TNIP1: variants seen among roughly 807,000 people sequenced by gnomAD.
The protein encoded by TNIP1 is TNFAIP3-interacting protein 1.
A neutral mutation model predicts 86.6 loss-of-function variants in TNIP1; 22 were observed. The ratio of observed to expected loss-of-function variants is 0.25; its 90% confidence interval spans 0.18 to 0.36. The LOEUF (loss-of-function observed/expected upper bound fraction) is 0.36. Ranked by LOEUF, TNIP1 falls within the 10% of genes least tolerant of loss-of-function variation. The pLI is 1.00. For synonymous variants in TNIP1, 294 were observed against 313.0 expected, an observed-to-expected ratio of 0.94 and a Z score of 0.64; for missense variants, 709 against 820.6, an observed-to-expected ratio of 0.86 and a Z score of 1.66.
intron 15 of TNIP1, among the ~76,000 whole-genome samples, chr5:151,034,108 AGTACATGGGCACGGAAGGCTG>A (rs796871436): frequency 6.3e-5 from 6 of 95,592 alleles, no homozygotes; most frequent in African/African-American, 1.6e-4. Flanking sequence ...ATGGAAGGCT[AGTACATGGGCACGGAAGGCTG>A]GTACATGGGC....
intron 1 of TNIP1, among the ~76,000 whole-genome samples, chr5:151,073,871 C>T (rs1763095396): frequency 6.6e-6 from 1 of 151,882 alleles, no homozygotes; most frequent in Non-Finnish European, 1.5e-5. Context: ...TGAACTCCAG[C>T]CTGAGTGACA....
chr5:151,052,178 C>G lies in TNIP1; in HGVS notation c.709G>C (p.Ala237Pro), dbSNP rs1220783589. 2 of 1,614,038 alleles carry G rather than the reference C, an allele frequency of 1.2e-6. No homozygotes were observed. Among genetic ancestry groups the G allele is most frequent in the South Asian group, 2.2e-5 (2 of 91,072 alleles). ...GCCTGAACTTACCGCAGCCTCTCGG[C>G]AGCCTGATCCCGCTGTTCCAGGCCC... is the stretch of plus-strand genomic sequence containing the variant. ...DKGLEQRDQA[A>P]ERLREENLEL... The change falls in exon 7 of 18, where the codon GCC becomes CCC. Residue 237 changes from alanine to proline, a missense_variant. Physicochemically the swap from Ala to Pro is conservative, Grantham distance 27. Transcript: ENST00000521591.
chr5:151,076,379 C>A (rs1763398972), intron 1 of TNIP1, among the ~76,000 whole-genome samples: 1 of 152,198 alleles, frequency 6.6e-6, no homozygotes, highest in East Asian at 1.9e-4. Flanking sequence ...AGGGCAGGCA[C>A]AGCAAGGCCT....
At chr5:151,046,203 C>T (rs545539495) in intron 8 of TNIP1, 8 of 514,318 alleles carry the variant, frequency 1.6e-5, no homozygotes, top group African/African-American at 5.8e-5. Flanking sequence ...CCCCTCCCTA[C>T]GGTCATTCTC....
intron 6 of TNIP1, among the ~76,000 whole-genome samples, chr5:151,053,650 A>G (rs980469536): frequency 6.6e-6 from 1 of 152,212 alleles, no homozygotes; most frequent in African/African-American, 2.4e-5. Context: ...AGAGTTGTTC[A>G]ATCTTTCCAC....
At chr5:151,087,416 C>G (rs981897539), upstream of TNIP1, among the ~76,000 whole-genome samples, 2 of 152,182 alleles carry the variant, frequency 1.3e-5, no homozygotes, top group Non-Finnish European at 2.9e-5. Flanking sequence ...GCTTCCTCAG[C>G]TGGGCTGGGA....
intron 5 of TNIP1, 72 bp from the exon 6 acceptor site, chr5:151,057,029 C>T: frequency 7.7e-7 from 1 of 1,299,346 alleles, no homozygotes; most frequent in Non-Finnish European, 9.9e-7. Flanking sequence ...CATTCTCCCT[C>T]TGCTTCCTCA....
intron 13 of TNIP1, among the ~76,000 whole-genome samples, chr5:151,036,252 A>G (rs115286094): frequency 0.025 from 3,747 of 152,158 alleles, 150 homozygotes; most frequent in African/African-American, 0.085. Context: ...GAGAGCCACA[A>G]CCTTTTCGCT....
At chr5:151,038,854 G>C (rs1758036041) in intron 12 of TNIP1, among the ~76,000 whole-genome samples, 1 of 152,118 alleles carries the variant, frequency 6.6e-6, no homozygotes, top group South Asian at 2.1e-4. Context: ...GACAAGCAGG[G>C]TGGGCAGGTG....
chr5:151,046,212 T>A (rs1759148341), intron 8 of TNIP1: 1 of 491,936 alleles, frequency 2.0e-6, no homozygotes, highest in Non-Finnish European at 3.7e-6. Context: ...ACGGTCATTC[T>A]CCCTGTTTAG....
Position 151,063,725 on chromosome 5 carries a change from C to A in TNIP1, c.159G>T (p.Gln53His). The A allele has an allele frequency of 6.2e-7, 1 of 1,614,032 alleles. No homozygotes were observed. The highest frequency in any genetic ancestry group is 8.5e-7 in the Non-Finnish European group (1 of 1,179,964). The change falls in exon 3 of 18, where the codon CAG (glutamine) becomes CAT (histidine). Residue 53 changes from glutamine to histidine, a missense_variant. Coordinates refer to ENST00000521591, the MANE Select transcript of TNIP1 (RefSeq NM_006058.5). Reference sequence around the variant, plus strand: ...TCTGCCGGAGCCTGGTCGCTTCCATCTGGGACTCTTCCAAAAGCTCCCCTA... The same window carrying A: ...TCTGCCGGAGCCTGGTCGCTTCCATATGGGACTCTTCCAAAAGCTCCCCTA... ...KMLGELLEES[Q>H]MEATRLRQKA... is the part of the protein sequence containing the mutation.
intron 12 of TNIP1, 160 bp from the exon 13 acceptor site, chr5:151,037,081 C>CTACA: frequency 6.0e-6 from 5 of 829,312 alleles, no homozygotes; most frequent in Non-Finnish European, 8.9e-6. Context: ...TATTTGCATT[C>CTACA]TACACATATC....
chr5:151,054,792 G>C (rs1408827175), intron 6 of TNIP1, among the ~76,000 whole-genome samples: 1 of 152,232 alleles, frequency 6.6e-6, no homozygotes, highest in Non-Finnish European at 1.5e-5. Flanking sequence ...AGTGAACCAA[G>C]AAACACATCA....
rs1442314818 is a variant in TNIP1 at position 151,042,663 on chromosome 5, C to T, written c.1011G>A (p.Glu337=). The change falls in exon 11 of 18, where the codon GAG becomes GAA. Residue 337 remains glutamate (E), a synonymous_variant. Transcript: ENST00000521591. ...MKQQYEQKIT[E]LRQKLADLQK... ...GCAAATCAGCCAGCTTCTGACGCAG[C>T]TCAGTGATCTGGGTTCAGAGGCAGA... 6.2e-7 allele frequency: 1 copy of T among 1,613,832 alleles called. No individual in the cohort carries two copies. The highest frequency in any genetic ancestry group is 8.5e-7 in the Non-Finnish European group (1 of 1,180,028).
chr5:151,056,938 C>A lies in TNIP1; in HGVS notation c.455G>T (p.Arg152Leu), dbSNP rs769559664. 127 of 1,553,472 alleles carry A rather than the reference C, an allele frequency of 8.2e-5. No individual in the cohort carries two copies. The highest frequency in any genetic ancestry group is 1.1e-4 in the Non-Finnish European group (121 of 1,148,896). ...GTGCAGCATCAGGTTGCCGTCCTCA[C>A]GGGGCAGGGGGCCCAGCGCCTGGAG... Reference protein sequence around the residue: ...ANAMALGPLPREDGNLMLHLQ... With the variant: ...ANAMALGPLPLEDGNLMLHLQ... Residue 152 changes from arginine (R) to leucine (L), a missense_variant, in exon 6 of 18, where the codon CGT becomes CTT. Transcript: ENST00000521591.
chr5:151,030,545 C>G lies in TNIP1; in HGVS notation c.*168G>C, dbSNP rs1756755553. 9.2e-7 allele frequency: 1 copy of G among 1,092,772 alleles called. No homozygotes were observed. The allele number at this position is 1,092,772 out of a possible 1,614,324, so 67.7% of individuals were successfully genotyped here. A position where few individuals can be genotyped will look rare whatever the true frequency, so the allele number is the denominator to read the frequency against. ...GCCTTCTGGGTGGAGCCTCCCCAGTCCTGTAAACAGCTCAGTTCAGGGACT... is the reference window on the plus strand; with the variant it reads ...GCCTTCTGGGTGGAGCCTCCCCAGTGCTGTAAACAGCTCAGTTCAGGGACT... On this transcript the variant is annotated 3_prime_UTR_variant, in exon 18 of 18. Transcript: ENST00000521591.
intron 4 of TNIP1, among the ~76,000 whole-genome samples, chr5:151,061,417 G>A (rs1213206523): frequency 6.6e-6 from 1 of 152,054 alleles, no homozygotes; most frequent in Non-Finnish European, 1.5e-5. Flanking sequence ...TGTAGGATAA[G>A]GATGCTGAAC....
rs192116546 is a variant in TNIP1 at position 151,076,722 on chromosome 5, C to T, written c.-37+4158G>A. Among the ~76,000 whole-genome samples the T allele has an allele frequency of 2.5e-4, 38 of 152,202 alleles. No individual in the cohort carries two copies. The East Asian group carries it at 4.6e-3, about 19-fold the overall frequency. On this transcript the variant is annotated intron_variant, in intron 1 of 17. Coordinates refer to ENST00000521591, the MANE Select transcript of TNIP1 (RefSeq NM_006058.5). ...AATGATGGAGGTGAGAAAGGAAGAA[C>T]CCGGGCTGATGTGGGCCCACAAAAG... is the stretch of plus-strand genomic sequence containing the variant.
Position 151,056,957 on chromosome 5 carries a change from C to T in TNIP1, c.436G>A (p.Ala146Thr). The change falls in exon 6 of 18, where the codon GCG becomes ACG. Residue 146 changes from alanine to threonine, a missense_variant and splice_region_variant. Ala to Thr is a moderately conservative substitution (Grantham distance 58, BLOSUM62 0). Transcript: ENST00000521591. Reference protein sequence around the residue: ...PESSSHANAMALGPLPREDGN... With the variant: ...PESSSHANAMTLGPLPREDGN... The stretch of plus-strand genomic sequence containing the variant: ...TCCTCACGGGGCAGGGGGCCCAGCG[C>T]CTGGAGAGGGAAAGGGCACACGGCC... The T allele has an allele frequency of 6.7e-7, 1 of 1,500,766 alleles. No homozygotes were observed. The allele number at this position is 1,500,766 out of a possible 1,614,324, so 93.0% of individuals were successfully genotyped here.
Sources: allele counts gnomAD v4.1 joint callset (sites outside exome capture counted in the v4.1 genomes callset), GRCh38; gene constraint gnomAD v4.1.1; transcripts MANE v1.5; gene names NCBI Gene and HGNC (gene_info 2026-07-23, HGNC 2026-07-21).